Variants in ARSG observed in about 807,000 individuals in gnomAD.
ARSG encodes arylsulfatase G.
ARSG carries 37 observed loss-of-function variants against 50.5 expected under a neutral mutation model. The ratio of observed to expected loss-of-function variants is 0.73; its 90% CI spans 0.56 to 0.96. The LOEUF (loss-of-function observed/expected upper bound fraction) is 0.96. ARSG is among the 50% of genes least tolerant of loss of function. The probability of loss-of-function intolerance (pLI) is 0.00; values close to 1 mark genes in which losing one functional copy is unlikely to be tolerated. For missense variants in ARSG, 629 were observed against 675.3 expected (o/e 0.93, Z 0.76); for synonymous variants, 225 against 254.6 (o/e 0.88, Z 1.11).
the ARSG span, among the ~76,000 whole-genome samples, chr17:68,444,915 CTTTTTTTTTTT>C: frequency 1.1e-5 from 1 of 89,090 alleles, no homozygotes; most frequent in African/African-American, 4.8e-5. Context: ...ATCCTGAACA[CTTTTTTTTTTT>C]TTTTTTTTTT....
chr17:68,410,920 TG>T (rs1311112625), intron 11 of ARSG, among the ~76,000 whole-genome samples: 3 of 152,238 alleles, frequency 2.0e-5, no homozygotes, highest in African/African-American at 7.2e-5. Flanking sequence ...TAGAGGTGTT[TG>T]TAGTATTCTC....
chr17:68,291,646 A>C (rs2075995620), intron 1 of ARSG, 78 bp downstream of exon 1: 3 of 151,290 alleles, frequency 2.0e-5, no homozygotes, highest in Non-Finnish European at 2.9e-5. Context: ...CCGATCTCCC[A>C]ACCCGGGTGC....
chr17:68,395,174 G>C lies in ARSG; in HGVS notation c.1193G>C (p.Arg398Pro). The C allele has an allele frequency of 6.2e-7, 1 of 1,613,982 alleles. No homozygotes were observed. The highest frequency in any genetic ancestry group is 2.2e-5 in the East Asian group (1 of 44,876). Residue 398 changes from arginine to proline, a missense_variant, in exon 10 of 12, where the codon CGG becomes CCG. Physicochemically the swap from Arg to Pro is moderately radical, Grantham distance 103 (BLOSUM62 -2). Transcript: ENST00000621439. ...GVDVSEVLFG[R>P]SQPGHRVLFH... ...GACGTCTCCGAGGTGCTCTTTGGCC[G>C]GTCACAGCCTGGGCACAGGGTAAGT...
chr17:68,426,443 G>A (rs894834467), downstream of ARSG, among the ~76,000 whole-genome samples: 1 of 152,140 alleles, frequency 6.6e-6, no homozygotes, highest in African/African-American at 2.4e-5. Context: ...ATGTTGCCCA[G>A]GCTGGTCTCG....
intron 2 of ARSG, among the ~76,000 whole-genome samples, chr17:68,315,873 CA>C (rs1311567683): frequency 6.6e-6 from 1 of 152,102 alleles, no homozygotes; most frequent in East Asian, 1.9e-4. Context: ...TCAGGTGATC[CA>C]CCTGCCTCGG....
intron 6 of ARSG, 149 bp from the exon 7 acceptor site, chr17:68,368,399 T>G: frequency 3.0e-6 from 2 of 671,068 alleles, no homozygotes; most frequent in South Asian, 1.9e-5. Flanking sequence ...TCACATTTCC[T>G]TGGAAGATTC....
chr17:68,332,506 T>C (rs1236666642), intron 2 of ARSG, among the ~76,000 whole-genome samples: 1 of 152,140 alleles, frequency 6.6e-6, no homozygotes, highest in Non-Finnish European at 1.5e-5. Context: ...CACAAGAGTA[T>C]TGATTGGGGA....
intron 2 of ARSG, among the ~76,000 whole-genome samples, chr17:68,337,699 C>G (rs765731923): frequency 1.2e-4 from 18 of 152,240 alleles, no homozygotes; most frequent in Non-Finnish European, 2.4e-4. Context: ...CTCACCGCGA[C>G]CTCTGTCCCC....
chr17:68,263,243 C>T (rs1278277278), intron 1 of ARSG, among the ~76,000 whole-genome samples: 5 of 150,790 alleles, frequency 3.3e-5, no homozygotes, highest in Admixed American at 1.3e-4. Flanking sequence ...GAGTCATTAA[C>T]GAGAACTGAA....
chr17:68,343,556 T>C (rs1471769457), intron 2 of ARSG, 48 bp from the exon 3 acceptor site: 3 of 1,503,506 alleles, frequency 2.0e-6, no homozygotes, highest in Admixed American at 4.5e-5. Context: ...TCTTTTACTC[T>C]GGCTTCCTGT....
chr17:68,400,627 G>A (rs772043771), intron 10 of ARSG: 32 of 152,240 alleles, frequency 2.1e-4, no homozygotes, highest in Non-Finnish European at 4.3e-4. Context: ...GTGGCCTTGT[G>A]GGCCTGTGAC....
intron 2 of ARSG, among the ~76,000 whole-genome samples, chr17:68,311,726 T>G (rs1210219176): frequency 6.6e-6 from 1 of 151,316 alleles, no homozygotes; most frequent in African/African-American, 2.4e-5. Flanking sequence ...TGGAACAGAT[T>G]CTCCCTCAGA....
chr17:68,410,060 G>T (rs1359586073), intron 11 of ARSG, among the ~76,000 whole-genome samples: 1 of 150,900 alleles, frequency 6.6e-6, no homozygotes, highest in Non-Finnish European at 1.5e-5. Flanking sequence ...CAATGATGTC[G>T]TCTGCAAACA....
At chr17:68,303,256 C>G (rs1321957783) in intron 1 of ARSG, among the ~76,000 whole-genome samples, 1 of 152,086 alleles carries the variant, frequency 6.6e-6, no homozygotes, top group Non-Finnish European at 1.5e-5. Flanking sequence ...TCCCAAGTAT[C>G]TGGGATTGTA....
intron 8 of ARSG, among the ~76,000 whole-genome samples, chr17:68,380,298 G>A (rs2080370211): frequency 6.7e-6 from 1 of 150,324 alleles, no homozygotes. Context: ...CTAGAGGGCA[G>A]TGATCTAATC....
chr17:68,380,566 G>A (rs2080384842), intron 8 of ARSG, among the ~76,000 whole-genome samples: 1 of 152,112 alleles, frequency 6.6e-6, no homozygotes, highest in Non-Finnish European at 1.5e-5. Context: ...ACTGTGCCTG[G>A]CCAGGATTTT....
At chr17:68,439,885 C>G in the ARSG span, among the ~76,000 whole-genome samples, 3 of 152,162 alleles carry the variant, frequency 2.0e-5, no homozygotes, top group African/African-American at 7.2e-5. Flanking sequence ...TCTGAAAATA[C>G]TGGGCGTGTC....
chr17:68,428,371 G>A, the ARSG span: 1 of 171,216 alleles, frequency 5.8e-6, no homozygotes, highest in African/African-American at 2.4e-5. Flanking sequence ...TGGGACTACA[G>A]GTGTGTGCCA....
chr17:68,298,999 G>A (rs1187922837), intron 1 of ARSG, among the ~76,000 whole-genome samples: 1 of 151,538 alleles, frequency 6.6e-6, no homozygotes, highest in African/African-American at 2.4e-5. Flanking sequence ...TCCAGGGCAA[G>A]GATAAATCTA....
Sources: allele counts gnomAD v4.1 joint callset (sites outside exome capture counted in the v4.1 genomes callset), GRCh38; gene constraint gnomAD v4.1.1; transcripts MANE v1.5; gene names NCBI Gene and HGNC (gene_info 2026-07-23, HGNC 2026-07-21).